Variants in UBAC1 observed in about 807,000 individuals in gnomAD.
The protein encoded by UBAC1 is UBA domain containing 1.
A neutral mutation model predicts 45.9 loss-of-function variants in UBAC1; 27 were observed. That is an observed-to-expected ratio of 0.59 (90% CI 0.43 to 0.81). The LOEUF is 0.81. Ranked by LOEUF, UBAC1 falls within the 30% of genes least tolerant of loss-of-function variation. The pLI, the probability that UBAC1 is intolerant of heterozygous loss-of-function variation, is 0.00. For synonymous variants in UBAC1, 227 were observed against 215.5 expected, an observed-to-expected ratio of 1.05 and a Z score of -0.47; for missense variants, 529 against 539.2, an observed-to-expected ratio of 0.98 and a Z score of 0.19.
intron 6 of UBAC1, chr9:135,945,494 A>T (rs1839319856): frequency 1.9e-6 from 1 of 518,966 alleles, no homozygotes; most frequent in East Asian, 3.1e-5. Context: ...GGACCCAGAG[A>T]TATCTGCTGA....
In UBAC1 at chr9:135,945,721, C is replaced by T. The variant is rs982013705; in HGVS notation, c.653+168G>A. On this transcript the variant is annotated intron_variant, in intron 6 of 9. Coordinates refer to ENST00000371756, the MANE Select transcript of UBAC1 (RefSeq NM_016172.3). ...CACAACGACTGTTCTGTCACATTCA[C>T]CCCAAAAACACTTTGGAGGCACATA... 4.9e-6 allele frequency: 3 copies of T among 607,462 alleles called. No homozygotes were observed. In the African/African-American group the frequency reaches 5.6e-5, roughly 11 times the overall value. The allele number at this position is 607,462 out of a possible 1,614,324, so 37.6% of individuals were successfully genotyped here.
chr9:135,934,484 C>T (rs764637025), intron 9 of UBAC1, among the ~76,000 whole-genome samples: 6 of 152,096 alleles, frequency 3.9e-5, no homozygotes, highest in Non-Finnish European at 8.8e-5. Context: ...TACGGTAAAA[C>T]CCTGTCTCTA....
At chr9:135,933,684 C>G (rs1839172611) in intron 9 of UBAC1, among the ~76,000 whole-genome samples, 169 bp from the exon 10 acceptor site, 1 of 152,222 alleles carries the variant, frequency 6.6e-6, no homozygotes, top group Admixed American at 6.5e-5. Flanking sequence ...ACCCACCCAA[C>G]TCCATCGGAT....
intron 3 of UBAC1, 129 bp downstream of exon 3, chr9:135,953,551 C>G (rs1032200046): frequency 2.5e-5 from 16 of 640,902 alleles, no homozygotes; most frequent in Non-Finnish European, 4.2e-5. Context: ...ATCTCTTGAC[C>G]TCGTGATCCA....
intron 3 of UBAC1, 102 bp downstream of exon 3, chr9:135,953,577 CA>C: frequency 1.0e-6 from 1 of 989,454 alleles, no homozygotes; most frequent in South Asian, 1.5e-5. Context: ...CTCGGCCTCC[CA>C]AAGTGCTGGG....
intron 4 of UBAC1, among the ~76,000 whole-genome samples, chr9:135,946,988 G>C (rs1472947189): frequency 6.6e-6 from 1 of 152,204 alleles, no homozygotes; most frequent in Non-Finnish European, 1.5e-5. Flanking sequence ...CATGCTGGCT[G>C]CTGGGGAAAA....
rs1219889060 is a variant in UBAC1 at position 135,944,928 on chromosome 9, C to T, written c.876+100G>A. 6.5e-6 allele frequency: 8 copies of T among 1,225,076 alleles called. No homozygotes were observed. The East Asian group carries it at 9.9e-5, about 15-fold the overall frequency. The allele number at this position is 1,225,076 out of a possible 1,614,324, so 75.9% of individuals were successfully genotyped here. ...CTCTCTCCTGGGACAGGAGCCAGCT[C>T]AGCCCAAGGTCAGCCATGCAGCCCC... On this transcript the variant is annotated intron_variant, in intron 7 of 9. Transcript: ENST00000371756.
intron 3 of UBAC1, among the ~76,000 whole-genome samples, chr9:135,949,713 G>T (rs572063044): frequency 1.3e-5 from 2 of 152,252 alleles, no homozygotes; most frequent in African/African-American, 4.8e-5. Context: ...TCCTGCGGCA[G>T]GCAGAACTCG....
At chr9:135,958,248 T>C (rs1276732817) in intron 1 of UBAC1, among the ~76,000 whole-genome samples, 1 of 152,074 alleles carries the variant, frequency 6.6e-6, no homozygotes, top group African/African-American at 2.4e-5. Context: ...GGGGTTTCAC[T>C]GTGTTAGCCA....
intron 7 of UBAC1, chr9:135,942,260 G>C (rs1435062166): frequency 6.6e-6 from 1 of 152,230 alleles, no homozygotes; most frequent in African/African-American, 2.4e-5. Flanking sequence ...ACTTGGACAG[G>C]CTTCCAGGAT....
chr9:135,945,249 T>A lies in UBAC1; in HGVS notation c.655A>T (p.Met219Leu). 6.3e-7 allele frequency: 1 copy of A among 1,580,338 alleles called. No individual in the cohort carries two copies. Among genetic ancestry groups the A allele is most frequent in the Non-Finnish European group, 8.6e-7 (1 of 1,162,026 alleles). The change falls in exon 7 of 10, where the codon ATG becomes TTG. Residue 219 changes from methionine (M) to leucine (L), a missense_variant and splice_region_variant. By Grantham distance (15) the Met-to-Leu change is conservative. Transcript: ENST00000371756. The part of the protein sequence containing the change: ...RATKALQLNH[M>L]SVPQAMEWLI... ...CACTCCATGGCCTGAGGCACCGACA[T>A]GCTGCAAGGCAAGAGACTCTTTCCA...
At chr9:135,957,772 CTTT>C (rs56142900) in intron 1 of UBAC1, among the ~76,000 whole-genome samples, 45 of 135,612 alleles carry the variant, frequency 3.3e-4, no homozygotes, top group Admixed American at 3.7e-4. Context: ...TGAACTCCTT[CTTT>C]TTTTTTTTTT....
Position 135,961,322 on chromosome 9 carries a change from G to A in UBAC1, c.-160C>T, listed in dbSNP as rs1308663681. 6.3e-6 allele frequency: 3 copies of A among 479,202 alleles called. No homozygotes were observed. In the East Asian group the frequency reaches 3.9e-4, roughly 62 times the overall value. 29.7% of individuals were successfully genotyped at this position (479,202 alleles called of 1,614,324 possible). A position where few individuals can be genotyped will look rare whatever the true frequency, so the allele number is the denominator to read the frequency against. On this transcript the variant is annotated 5_prime_UTR_variant, in exon 1 of 10. Transcript: ENST00000371756. ...GGCCGGGCCGCCGTCACTCTCCGCGGCCTCAGCGGTCGCCTCGCTCCCGCC... is the reference window on the plus strand; with the variant it reads ...GGCCGGGCCGCCGTCACTCTCCGCGACCTCAGCGGTCGCCTCGCTCCCGCC...
chr9:135,936,502 T>C (rs1243495797), intron 9 of UBAC1, among the ~76,000 whole-genome samples: 1 of 150,668 alleles, frequency 6.6e-6, no homozygotes, highest in Non-Finnish European at 1.5e-5. Flanking sequence ...CCTTTTTCTT[T>C]TTTTTTTTTT....
chr9:135,935,665 A>G (rs991574861), intron 9 of UBAC1, among the ~76,000 whole-genome samples: 1 of 151,952 alleles, frequency 6.6e-6, no homozygotes, highest in Non-Finnish European at 1.5e-5. Context: ...GATGACACGC[A>G]TAGACAGTAT....
intron 9 of UBAC1, among the ~76,000 whole-genome samples, chr9:135,935,125 G>A (rs894464448): frequency 3.3e-5 from 5 of 152,060 alleles, no homozygotes; most frequent in African/African-American, 1.2e-4. Flanking sequence ...TCGAACTCCT[G>A]AGCTCAAGTG....
At chr9:135,948,008 CT>C in intron 3 of UBAC1, 103 bp from the exon 4 acceptor site, 1 of 1,080,648 alleles carries the variant, frequency 9.3e-7, no homozygotes, top group Non-Finnish European at 1.3e-6. Flanking sequence ...ACTCCGTCTC[CT>C]TTAGGAGCCA....
At position 135,938,193 on chromosome 9, in the gene UBAC1, G is replaced by A. The variant is rs752061508; in HGVS notation, c.1102+29C>T. The A allele has an allele frequency of 1.1e-5, 18 of 1,609,932 alleles. No homozygotes were observed. In the East Asian group the frequency reaches 1.3e-4, roughly 12 times the overall value. ...GGGAACCAGCCAGCCTCCCCGACCCGAGACTTAGCATAAAGAAGGCGCACA... is the reference window on the plus strand; with the variant it reads ...GGGAACCAGCCAGCCTCCCCGACCCAAGACTTAGCATAAAGAAGGCGCACA... On this transcript the variant is annotated intron_variant, in intron 9 of 9. Coordinates refer to ENST00000371756, the MANE Select transcript of UBAC1 (RefSeq NM_016172.3).
In UBAC1 at chr9:135,945,145, T is replaced by C; in HGVS notation, c.759A>G (p.Thr253=). Residue 253 remains threonine (T), a synonymous_variant, in exon 7 of 10, where the codon ACA becomes ACG. Transcript: ENST00000371756. The part of the protein sequence containing the change: ...GQAPPEAEGA[T]AAASEAAAGA... ...CCGCGGCAGCCTCGGAGGCAGCTGC[T>C]GTGGCCCCCTCGGCCTCTGGGGGAG... 1 of 1,613,890 alleles carries C rather than the reference T, an allele frequency of 6.2e-7. No homozygotes were observed. The highest frequency in any genetic ancestry group is 8.5e-7 in the Non-Finnish European group (1 of 1,179,946).
Sources: gnomAD v4.1 joint callset for allele counts (sites outside exome capture counted in the v4.1 genomes callset) on GRCh38, gnomAD v4.1.1 for gene constraint, MANE v1.5 for transcripts, NCBI Gene and HGNC (gene_info 2026-07-23, HGNC 2026-07-21) for gene names.